Variants in FAT4 observed in about 807,000 individuals in gnomAD.
FAT4 encodes the protein FAT atypical cadherin 4.
FAT4 carries 84 observed loss-of-function variants against 303.9 expected under a neutral mutation model. The ratio of observed to expected loss-of-function variants is 0.28; its 90% CI spans 0.23 to 0.33. The LOEUF (loss-of-function observed/expected upper bound fraction) is 0.33, where lower values mean the gene tolerates loss of function less well. Among genes scored for constraint, FAT4 ranks in the 10% least tolerant of loss-of-function variants. The pLI is 1.00. For synonymous variants in FAT4, 2,307 were observed against 2,298.8 expected (o/e 1.00, Z -0.10); for missense variants, 6,005 against 6,146.8 (o/e 0.98, Z 0.77).
At chr4:125,474,455 C>A (rs771523041) in intron 12 of FAT4, among the ~76,000 whole-genome samples, 1 of 151,714 alleles carries the variant, frequency 6.6e-6, no homozygotes, top group Non-Finnish European at 1.5e-5. Flanking sequence ...AAAGAGTAAA[C>A]TAAATGGGGC....
At chr4:125,368,741 G>T (rs79159535) in intron 2 of FAT4, among the ~76,000 whole-genome samples, 5 of 145,602 alleles carry the variant, frequency 3.4e-5, no homozygotes, top group African/African-American at 1.0e-4. Context: ...TTTTTTTTTT[G>T]AGAGAGAGAG....
In FAT4 at chr4:125,468,562, T is replaced by G. The variant is rs1578680101; in HGVS notation, c.11956T>G (p.Ser3986Ala). Residue 3986 changes from serine (S) to alanine (A), a missense_variant, in exon 12 of 18, where the codon TCA (serine) becomes GCA (alanine). By Grantham distance (99) the Ser-to-Ala change is moderately conservative. Transcript: ENST00000394329. ...ELNSYGFEEL[S>A]YMEFPSLDPN... ...GAACAGTTATGGATTTGAGGAGTTA[T>G]CATACATGGAATTTCCAAGCTTGGA... 3 of 1,613,910 alleles carry G rather than the reference T, an allele frequency of 1.9e-6. No individual in the cohort carries two copies.
intron 2 of FAT4, among the ~76,000 whole-genome samples, chr4:125,324,453 C>T (rs1450700322): frequency 6.6e-6 from 1 of 152,080 alleles, no homozygotes; most frequent in Non-Finnish European, 1.5e-5. Flanking sequence ...AAGATCAGAA[C>T]ATATGTCTTT....
intron 7 of FAT4, among the ~76,000 whole-genome samples, chr4:125,432,564 T>G (rs1345513243): frequency 1.3e-5 from 2 of 152,192 alleles, no homozygotes; most frequent in Non-Finnish European, 2.9e-5. Context: ...GAAATATTTG[T>G]TGCATAATTT....
At chr4:125,412,309 A>G (rs1352641893) in intron 5 of FAT4, among the ~76,000 whole-genome samples, 1 of 151,842 alleles carries the variant, frequency 6.6e-6, no homozygotes, top group Non-Finnish European at 1.5e-5. Flanking sequence ...GATGGATTCC[A>G]TGACCTGTAA....
At chr4:125,335,381 C>T (rs1020634660) in intron 2 of FAT4, among the ~76,000 whole-genome samples, 4 of 151,440 alleles carry the variant, frequency 2.6e-5, no homozygotes, top group South Asian at 2.1e-4. Context: ...GCAGTATTAA[C>T]GTAGGAGTAG....
chr4:125,415,272 T>C lies in FAT4; in HGVS notation c.6309T>C (p.Asp2103=). 6.2e-7 allele frequency: 1 copy of C among 1,614,094 alleles called. No individual in the cohort carries two copies. Among genetic ancestry groups the C allele is most frequent in the Non-Finnish European group, 8.5e-7 (1 of 1,179,984 alleles). ...LGNKFSIGTI[D]GEVRLTGELD... is the part of the protein sequence containing the mutation. The stretch of plus-strand genomic sequence containing the variant: ...ACAAGTTCAGTATTGGGACCATTGA[T>C]GGTGAAGTGAGGCTCACTGGAGAAC... The change falls in exon 6 of 18, where the codon GAT becomes GAC. Residue 2103 remains aspartate, a synonymous_variant. Coordinates refer to ENST00000394329, the MANE Select transcript of FAT4 (RefSeq NM_001291303.3).
chr4:125,474,537 GA>G (rs144151955), intron 12 of FAT4, among the ~76,000 whole-genome samples: 1 of 151,414 alleles, frequency 6.6e-6, no homozygotes, highest in Admixed American at 6.6e-5. Context: ...TAATTTACTT[GA>G]AAAAAATGGC....
intron 2 of FAT4, among the ~76,000 whole-genome samples, chr4:125,372,382 T>G (rs1430451261): frequency 6.9e-6 from 1 of 145,194 alleles, no homozygotes; most frequent in African/African-American, 2.5e-5. Flanking sequence ...AAAAAAAAGA[T>G]GGATCAACAA....
At chr4:125,484,921 C>T (rs1426446648) in intron 16 of FAT4, among the ~76,000 whole-genome samples, 2 of 151,836 alleles carry the variant, frequency 1.3e-5, no homozygotes, top group South Asian at 4.2e-4. Flanking sequence ...GGCATGATCT[C>T]GGCTCACTGC....
chr4:125,409,871 T>G (rs1341724002), intron 5 of FAT4, among the ~76,000 whole-genome samples: 2 of 152,166 alleles, frequency 1.3e-5, no homozygotes, highest in Non-Finnish European at 2.9e-5. Flanking sequence ...GCAACTAAAT[T>G]GTCTCATCAA....
chr4:125,422,783 G>A (rs1370618512), intron 7 of FAT4, among the ~76,000 whole-genome samples: 6 of 152,188 alleles, frequency 3.9e-5, no homozygotes, highest in Non-Finnish European at 4.4e-5. Flanking sequence ...GGCAGAGACT[G>A]GAACAGTTTG....
intron 12 of FAT4, among the ~76,000 whole-genome samples, chr4:125,469,236 CAAT>C: frequency 6.6e-6 from 1 of 152,246 alleles, no homozygotes; most frequent in East Asian, 1.9e-4. Flanking sequence ...AAAATGGTAA[CAAT>C]AGTCTTAGCT....
rs535040673 is a variant in FAT4, at chr4:125,491,619, C to G, written c.14803C>G (p.Leu4935Val). ...AGCAGGGACTTTCAACTGGGACAAC[C>G]TTTTGAACTGGGGCCCTGGCTTTGG... ...QQAGTFNWDN[L>V]LNWGPGFGHY... is the part of the protein sequence containing the mutation. Residue 4935 changes from leucine (L) to valine (V), a missense_variant, in exon 18 of 18, where the codon CTT (leucine) becomes GTT (valine). Transcript: ENST00000394329. 1 of 1,614,056 alleles carries G rather than the reference C, an allele frequency of 6.2e-7. No individual in the cohort carries two copies. Among genetic ancestry groups the G allele is most frequent in the Non-Finnish European group, 8.5e-7 (1 of 1,180,034 alleles).
chr4:125,327,007 A>G (rs1731184649), intron 2 of FAT4, among the ~76,000 whole-genome samples: 1 of 152,216 alleles, frequency 6.6e-6, no homozygotes, highest in Non-Finnish European at 1.5e-5. Context: ...GCTGGGTGAC[A>G]GAATTAGACT....
chr4:125,438,170 T>C (rs1725525069), intron 8 of FAT4, among the ~76,000 whole-genome samples: 1 of 152,212 alleles, frequency 6.6e-6, no homozygotes, highest in African/African-American at 2.4e-5. Context: ...GGAAATTCTC[T>C]TGTATGAGAT....
intron 2 of FAT4, among the ~76,000 whole-genome samples, chr4:125,332,418 T>TA: frequency 6.6e-6 from 1 of 152,290 alleles, no homozygotes; most frequent in African/African-American, 2.4e-5. Flanking sequence ...TATAACCCCT[T>TA]AAGTGAAGTT....
At chr4:125,479,127 T>A (rs1727135049) in intron 14 of FAT4, among the ~76,000 whole-genome samples, 1 of 152,154 alleles carries the variant, frequency 6.6e-6, no homozygotes, top group South Asian at 2.1e-4. Context: ...TATACTTCAT[T>A]CCCTTATTTT....
At chr4:125,340,592 T>C (rs112206630) in intron 2 of FAT4, among the ~76,000 whole-genome samples, 27,499 of 152,160 alleles carry the variant, frequency 0.18, 2,952 homozygotes, top group Non-Finnish European at 0.24. Flanking sequence ...TTCACCGTGT[T>C]AGCCAGGATG....
Sources: gnomAD v4.1 joint callset for allele counts (sites outside exome capture counted in the v4.1 genomes callset) on GRCh38, gnomAD v4.1.1 for gene constraint, MANE v1.5 for transcripts, NCBI Gene and HGNC (gene_info 2026-07-23, HGNC 2026-07-21) for gene names.